The following EXOC6 variants were observed in gnomAD, a reference collection of about 807,000 sequenced individuals.
EXOC6 encodes SEC15-like 1.
EXOC6 carries 60 observed loss-of-function variants against 112.5 expected under a neutral mutation model. That is an observed-to-expected ratio of 0.53 (90% CI 0.43 to 0.66). The LOEUF is 0.66. EXOC6 is among the 30% of genes least tolerant of loss of function. The probability of loss-of-function intolerance (pLI) is 0.00; values close to 1 mark genes in which losing one functional copy is unlikely to be tolerated. For synonymous variants in EXOC6, 295 were observed against 308.0 expected (o/e 0.96, Z 0.44); for missense variants, 855 against 957.1 (o/e 0.89, Z 1.41).
chr10:92,913,839 G>T (rs1271650461), intron 6 of EXOC6, among the ~76,000 whole-genome samples: 1 of 152,172 alleles, frequency 6.6e-6, no homozygotes, highest in African/African-American at 2.4e-5. Context: ...CACAAAAAAA[G>T]TTATTTTTGA....
chr10:92,916,293 T>C (rs1851082912), intron 7 of EXOC6, among the ~76,000 whole-genome samples: 1 of 152,146 alleles, frequency 6.6e-6, no homozygotes, highest in Admixed American at 6.6e-5. Flanking sequence ...GGTGGATCAC[T>C]TGAGGCAGGA....
chr10:92,968,288 G>A (rs1003317689), intron 17 of EXOC6, among the ~76,000 whole-genome samples: 1 of 150,740 alleles, frequency 6.6e-6, no homozygotes, highest in Non-Finnish European at 1.5e-5. Flanking sequence ...GAGCTCAAGC[G>A]ATCCTCCCAC....
chr10:92,859,095 C>T (rs1365302949), intron 1 of EXOC6, among the ~76,000 whole-genome samples: 2 of 152,120 alleles, frequency 1.3e-5, no homozygotes, highest in Non-Finnish European at 2.9e-5. Flanking sequence ...TTATTGGTCT[C>T]AGTCTTCTGT....
chr10:92,843,335 T>C (rs928341693), intron 1 of EXOC6, among the ~76,000 whole-genome samples: 1 of 152,150 alleles, frequency 6.6e-6, no homozygotes, highest in Non-Finnish European at 1.5e-5. Context: ...GGTGGACATC[T>C]GAAACGAGTG....
Position 92,974,620 on chromosome 10 carries a change from A to T in EXOC6, c.1953+388A>T, listed in dbSNP as rs1005405698. On this transcript the variant is annotated intron_variant, in intron 18 of 21. Coordinates refer to ENST00000260762, the MANE Select transcript of EXOC6 (RefSeq NM_019053.6). ...CACGTCTCCCTCTGATGCCGAGCCG[A>T]AGCTGCACTGTACTGCTGCCATCTC... 8.0e-4 allele frequency among the ~76,000 whole-genome samples: 23 copies of T among 28,672 alleles called. No individual in the cohort carries two copies. In the Admixed American group the frequency reaches 0.01, roughly 13 times the overall value. The allele number at this position is 28,672 out of a possible 152,430, so 18.8% of individuals were successfully genotyped here.
chr10:92,993,648 A>G (rs1369216428), intron 18 of EXOC6, among the ~76,000 whole-genome samples: 1 of 152,170 alleles, frequency 6.6e-6, no homozygotes, highest in Non-Finnish European at 1.5e-5. Context: ...CTAATAAACT[A>G]TGTTGTGTTT....
At chr10:92,835,127 A>T (rs558449647) in intron 1 of EXOC6, among the ~76,000 whole-genome samples, 1 of 152,334 alleles carries the variant, frequency 6.6e-6, no homozygotes, top group South Asian at 2.1e-4. Context: ...TTTCTTTAAC[A>T]TATCACTTAG....
In EXOC6 at chr10:92,893,461, G is replaced by T. The variant is rs1311981350; in HGVS notation, c.214G>T (p.Gly72Cys). 2 of 1,612,760 alleles carry T rather than the reference G, an allele frequency of 1.2e-6. No individual in the cohort carries two copies. The highest frequency in any genetic ancestry group is 2.7e-5 in the African/African-American group (2 of 74,846). ...IEKMCNFHHQ[G>C]FVDAITELLK... ...AAAGATGTGTAATTTTCATCATCAG[G>T]GTTTTGTAGATGCTATTACAGAACT... The change falls in exon 2 of 22, where the codon GGT (glycine) becomes TGT (cysteine). Residue 72 changes from glycine (G) to cysteine (C), a missense_variant. Physicochemically the swap from Gly to Cys is radical, Grantham distance 159. Around this residue, in one of 2 missense-constraint regions of EXOC6, gnomAD observed 405 missense variants for 393.6 expected, o/e 1.03. Coordinates refer to ENST00000260762, the MANE Select transcript of EXOC6 (RefSeq NM_019053.6).
chr10:92,932,200 A>T (rs548140999), intron 9 of EXOC6, among the ~76,000 whole-genome samples: 1 of 152,330 alleles, frequency 6.6e-6, no homozygotes, highest in South Asian at 2.1e-4. Context: ...ATATGCAGTA[A>T]AGTTATATAT....
intron 1 of EXOC6, among the ~76,000 whole-genome samples, chr10:92,867,045 T>C (rs1476043719): frequency 6.6e-6 from 1 of 152,170 alleles, no homozygotes; most frequent in Non-Finnish European, 1.5e-5. Context: ...GTAAAAGTCT[T>C]TCTGAATTAC....
At chr10:92,954,418 C>T (rs1041136509) in intron 15 of EXOC6, among the ~76,000 whole-genome samples, 3 of 152,044 alleles carry the variant, frequency 2.0e-5, no homozygotes, top group African/African-American at 7.2e-5. Flanking sequence ...TAAATTATGC[C>T]ATATATGAAT....
chr10:92,968,697 T>G lies in EXOC6; in HGVS notation c.1774-5356T>G, dbSNP rs150539175. On this transcript the variant is annotated intron_variant, in intron 17 of 21. Transcript: ENST00000260762. ...GTAAGTATAAGAAAACTAATTTGTT[T>G]TAGCCCCTTCTGGGTGCCAATTACT... Among the ~76,000 whole-genome samples, 1,221 of 152,312 alleles carry G rather than the reference T, an allele frequency of 8.0e-3. 7 individuals carry two copies. The highest frequency in any genetic ancestry group is 0.044 in the Middle Eastern group (13 of 294).
intron 1 of EXOC6, among the ~76,000 whole-genome samples, chr10:92,855,965 A>G (rs1385372084): frequency 6.6e-6 from 1 of 152,046 alleles, no homozygotes; most frequent in East Asian, 1.9e-4. Flanking sequence ...CCTGGGTTCA[A>G]GCGATTCTCC....
intron 1 of EXOC6, among the ~76,000 whole-genome samples, chr10:92,854,923 T>C (rs1483973027): frequency 1.3e-5 from 2 of 152,260 alleles, no homozygotes; most frequent in Admixed American, 1.3e-4. Context: ...CTTTATTCTA[T>C]TCATGTGGTA....
intron 18 of EXOC6, among the ~76,000 whole-genome samples, chr10:92,975,164 C>T (rs10882134): frequency 0.43 from 64,686 of 150,416 alleles, 14,493 homozygotes; most frequent in African/African-American, 0.55. Flanking sequence ...AAGTGAGGAG[C>T]GTCTCTGCCT....
intron 1 of EXOC6, among the ~76,000 whole-genome samples, chr10:92,849,644 C>T (rs61860813): frequency 0.011 from 1,715 of 152,234 alleles, 19 homozygotes; most frequent in Non-Finnish European, 0.017. Flanking sequence ...TAGAATAGAG[C>T]GCTGTACAGT....
intron 20 of EXOC6, among the ~76,000 whole-genome samples, chr10:93,054,355 T>C (rs1424699092): frequency 1.3e-5 from 2 of 152,232 alleles, no homozygotes; most frequent in African/African-American, 4.8e-5. Context: ...CTTTGGCAAT[T>C]AATTCCTTAA....
chr10:92,903,326 A>T (rs1751080406), intron 5 of EXOC6, among the ~76,000 whole-genome samples: 1 of 151,776 alleles, frequency 6.6e-6, no homozygotes, highest in Non-Finnish European at 1.5e-5. Context: ...CATTGTTTCA[A>T]TTTGCATTTT....
At chr10:92,921,444 C>T (rs980182721) in intron 8 of EXOC6, among the ~76,000 whole-genome samples, 2 of 151,884 alleles carry the variant, frequency 1.3e-5, no homozygotes, top group East Asian at 3.9e-4. Flanking sequence ...AATGGGGTTT[C>T]ACCTTGTTGG....
Sources: gnomAD v4.1 joint callset for allele counts (sites outside exome capture counted in the v4.1 genomes callset) on GRCh38, gnomAD v4.1.1 for gene constraint, gnomAD v4.1.1 regional missense constraint, MANE v1.5 for transcripts, NCBI Gene and HGNC (gene_info 2026-07-23, HGNC 2026-07-21) for gene names.